Variants in MITF observed in about 807,000 individuals in gnomAD.
The protein encoded by MITF is microphthalmia-associated transcription factor.
MITF carries 17 observed loss-of-function variants against 60.5 expected under a neutral mutation model. The ratio of observed to expected loss-of-function variants is 0.28; its 90% CI spans 0.19 to 0.42. The LOEUF is 0.42. Among genes scored for constraint, MITF ranks in the 10% least tolerant of loss-of-function variants. The pLI, the probability that MITF is intolerant of heterozygous loss-of-function variation, is 1.00. For synonymous variants in MITF, 260 were observed against 248.5 expected, an observed-to-expected ratio of 1.05 and a Z score of -0.43; for missense variants, 622 against 683.5, an observed-to-expected ratio of 0.91 and a Z score of 1.00.
chr3:69,958,224 C>A (rs2066448041), intron 8 of MITF, among the ~76,000 whole-genome samples: 1 of 152,186 alleles, frequency 6.6e-6, no homozygotes, highest in Non-Finnish European at 1.5e-5. Context: ...CTATGTGAAG[C>A]ATCATTTATT....
intron 1 of MITF, among the ~76,000 whole-genome samples, chr3:69,774,116 T>C (rs1394026975): frequency 2.6e-5 from 4 of 152,216 alleles, no homozygotes; most frequent in African/African-American, 9.6e-5. Flanking sequence ...TATTCAGGTA[T>C]GTCTTCATAC....
chr3:69,856,501 A>T (rs1395122999), intron 1 of MITF, among the ~76,000 whole-genome samples: 2 of 152,284 alleles, frequency 1.3e-5, no homozygotes, highest in South Asian at 2.1e-4. Context: ...CTTTCCTTAG[A>T]TGGAAGAAAT....
At chr3:69,918,388 C>T (rs79711611) in intron 2 of MITF, among the ~76,000 whole-genome samples, 2,380 of 152,214 alleles carry the variant, frequency 0.016, 29 homozygotes, top group Middle Eastern at 0.051. Context: ...AAATTGGTGT[C>T]TTTTCCTGGT....
At chr3:69,847,375 C>G (rs1025950941) in intron 1 of MITF, among the ~76,000 whole-genome samples, 1 of 152,152 alleles carries the variant, frequency 6.6e-6, no homozygotes, top group Non-Finnish European at 1.5e-5. Context: ...GAAGGACACA[C>G]TAGAACTAGA....
At chr3:69,822,938 C>A (rs2063299278) in intron 1 of MITF, among the ~76,000 whole-genome samples, 1 of 150,542 alleles carries the variant, frequency 6.6e-6, no homozygotes, top group Non-Finnish European at 1.5e-5. Flanking sequence ...CTCACTCTGT[C>A]ACCCAGGGTG....
chr3:69,888,954 G>T (rs2064689818), intron 2 of MITF, among the ~76,000 whole-genome samples: 1 of 150,354 alleles, frequency 6.7e-6, no homozygotes, highest in African/African-American at 2.4e-5. Flanking sequence ...AAGTGTATTG[G>T]CTCGGTGTGA....
At chr3:69,935,376 G>T (rs2107470527) in intron 2 of MITF, among the ~76,000 whole-genome samples, 1 of 152,236 alleles carries the variant, frequency 6.6e-6, no homozygotes, top group East Asian at 1.9e-4. Flanking sequence ...ATTAGGATCT[G>T]CCAGTGAATT....
chr3:69,860,160 AC>A (rs2063986941), intron 1 of MITF, among the ~76,000 whole-genome samples: 1 of 152,222 alleles, frequency 6.6e-6, no homozygotes, highest in African/African-American at 2.4e-5. Context: ...AAAAGCCTCT[AC>A]ATAACCTTTA....
chr3:69,835,902 G>T (rs2107119495), intron 1 of MITF, among the ~76,000 whole-genome samples: 1 of 152,170 alleles, frequency 6.6e-6, no homozygotes, highest in African/African-American at 2.4e-5. Context: ...TTTGAAGTCA[G>T]GTAGTGTGAT....
At chr3:69,766,661 A>G (rs77732689) in intron 1 of MITF, among the ~76,000 whole-genome samples, 1 of 152,218 alleles carries the variant, frequency 6.6e-6, no homozygotes, top group African/African-American at 2.4e-5. Context: ...CTACCTACTC[A>G]TATGACCCTG....
At chr3:69,907,321 T>C (rs2065121223) in intron 2 of MITF, among the ~76,000 whole-genome samples, 1 of 152,306 alleles carries the variant, frequency 6.6e-6, no homozygotes, top group South Asian at 2.1e-4. Context: ...TGGGGCTCTG[T>C]GTGTCAAACT....
chr3:69,917,476 G>A (rs539891894), intron 2 of MITF, among the ~76,000 whole-genome samples: 35 of 148,260 alleles, frequency 2.4e-4, no homozygotes, highest in Middle Eastern at 7.1e-3. Flanking sequence ...GTATGGTGCT[G>A]AAGAGGAATT....
intron 1 of MITF, among the ~76,000 whole-genome samples, chr3:69,864,559 G>A (rs1431859256): frequency 6.6e-6 from 1 of 152,140 alleles, no homozygotes; most frequent in Non-Finnish European, 1.5e-5. Flanking sequence ...AACTCTGACA[G>A]TTTTCTAGTT....
At chr3:69,752,903 C>T (rs759385534) in intron 1 of MITF, among the ~76,000 whole-genome samples, 1 of 152,192 alleles carries the variant, frequency 6.6e-6, no homozygotes, top group Non-Finnish European at 1.5e-5. Context: ...CTGCAGGTTT[C>T]CTGAGGCCTC....
chr3:69,782,864 T>G (rs2062588415), intron 1 of MITF, among the ~76,000 whole-genome samples: 1 of 152,230 alleles, frequency 6.6e-6, no homozygotes, highest in South Asian at 2.1e-4. Flanking sequence ...GCTGAGGGGA[T>G]TATGTTCTAG....
intron 1 of MITF, among the ~76,000 whole-genome samples, chr3:69,783,748 G>C (rs1478467822): frequency 6.6e-6 from 1 of 152,108 alleles, no homozygotes; most frequent in African/African-American, 2.4e-5. Flanking sequence ...GTTTCACAAA[G>C]TGTAGTTTAA....
intron 1 of MITF, among the ~76,000 whole-genome samples, chr3:69,787,110 C>T (rs371725415): frequency 7.9e-5 from 12 of 152,252 alleles, no homozygotes; most frequent in Middle Eastern, 3.4e-3. Context: ...AGCTCTTCCA[C>T]GATAGCAAAG....
intron 5 of MITF, among the ~76,000 whole-genome samples, chr3:69,947,883 C>A (rs1034718212): frequency 6.6e-6 from 1 of 152,046 alleles, no homozygotes; most frequent in Admixed American, 6.6e-5. Flanking sequence ...GAAGCACATT[C>A]GACTTGTATT....
chr3:69,812,017 C>T lies in MITF; in HGVS notation c.105-67117C>T, dbSNP rs115681947. 6.7e-3 allele frequency among the ~76,000 whole-genome samples: 1,017 copies of T among 152,276 alleles called. 8 individuals are homozygous for T. The highest frequency in any genetic ancestry group is 0.023 in the African/African-American group (960 of 41,554). On this transcript the variant is annotated intron_variant, in intron 1 of 9. Coordinates refer to ENST00000352241, the MANE Select transcript of MITF (RefSeq NM_001354604.2). ...GCTGTTTCCTTATCATTCCTCCTTC[C>T]TTGTACTTCCTTCAGTGGGTTTCTG...
Sources: allele counts gnomAD v4.1 joint callset (sites outside exome capture counted in the v4.1 genomes callset), GRCh38; gene constraint gnomAD v4.1.1; transcripts MANE v1.5; gene names NCBI Gene and HGNC (gene_info 2026-07-23, HGNC 2026-07-21).